NXNL2: variants seen among roughly 807,000 people sequenced by gnomAD.
The protein encoded by NXNL2 is nucleoredoxin like 2.
Under a neutral mutation model 11.1 loss-of-function variants are expected in NXNL2, and 7 were observed. The observed-to-expected ratio is 0.63, with a 90% confidence interval of 0.36 to 1.18. The LOEUF is 1.18. NXNL2 is among the 50% of genes most tolerant of loss of function. The pLI, the probability that NXNL2 is intolerant of heterozygous loss-of-function variation, is 0.02. For missense variants in NXNL2, 233 were observed against 217.7 expected (o/e 1.07, Z -0.44); for synonymous variants, 109 against 101.8 (o/e 1.07, Z -0.42).
downstream of NXNL2, among the ~76,000 whole-genome samples, chr9:88,576,414 G>A (rs1293938780): frequency 2.6e-5 from 4 of 152,110 alleles, no homozygotes; most frequent in African/African-American, 7.2e-5. Flanking sequence ...GCTCCCACGT[G>A]GGCCAGGTTT....
chr9:88,571,325 C>G (rs1284877643), intron 2 of NXNL2: 2 of 225,090 alleles, frequency 8.9e-6, no homozygotes, highest in Non-Finnish European at 1.8e-5. Context: ...TTGCCTCGAC[C>G]TTCCAAGGTG....
chr9:88,567,721 T>A (rs1249479378), intron 1 of NXNL2, among the ~76,000 whole-genome samples: 1 of 152,196 alleles, frequency 6.6e-6, no homozygotes, highest in Admixed American at 6.5e-5. Flanking sequence ...AATAAGACAC[T>A]AATATGTAAG....
intron 1 of NXNL2, among the ~76,000 whole-genome samples, chr9:88,582,114 T>A (rs142776085): frequency 2.6e-5 from 4 of 152,238 alleles, no homozygotes; most frequent in African/African-American, 9.6e-5. Context: ...GAGGTTTTGC[T>A]ACTCTCTAGT....
chr9:88,560,651 C>T (rs1263530564), intron 1 of NXNL2, among the ~76,000 whole-genome samples: 1 of 152,140 alleles, frequency 6.6e-6, no homozygotes, highest in African/African-American at 2.4e-5. Flanking sequence ...CATTGTAAAT[C>T]CCTGCTATTG....
At chr9:88,576,599 G>C (rs996107111), downstream of NXNL2, among the ~76,000 whole-genome samples, 1 of 152,196 alleles carries the variant, frequency 6.6e-6, no homozygotes, top group Non-Finnish European at 1.5e-5. Context: ...GGGGAAGAGG[G>C]AGAATGGCCA....
At chr9:88,544,982 T>C (rs1829828321), downstream of NXNL2, 1 of 733,542 alleles carries the variant, frequency 1.4e-6, no homozygotes, top group Non-Finnish European at 1.7e-6. Context: ...AATAAACAAG[T>C]CTATTGCCTT....
chr9:88,558,618 C>G (rs1400012448), intron 1 of NXNL2, among the ~76,000 whole-genome samples: 1 of 152,008 alleles, frequency 6.6e-6, no homozygotes, highest in Non-Finnish European at 1.5e-5. Flanking sequence ...TAGAAGAGGC[C>G]GTCTTGTGGG....
chr9:88,578,335 G>A (rs1830370408), downstream of NXNL2, among the ~76,000 whole-genome samples: 1 of 152,196 alleles, frequency 6.6e-6, no homozygotes, highest in Non-Finnish European at 1.5e-5. Context: ...AGTCCCTGCC[G>A]GTCCTGGAGT....
chr9:88,544,418 G>T lies in NXNL2; in HGVS notation c.342G>T (p.Lys114Asn), dbSNP rs1215772898. The T allele has an allele frequency of 6.4e-7, 1 of 1,551,916 alleles. No homozygotes were observed. Among genetic ancestry groups the T allele is most frequent in the Non-Finnish European group, 8.7e-7 (1 of 1,147,038 alleles). Reference protein sequence around the residue: ...RKRYNVTAIPKLVIVKQNGEV... With the variant: ...RKRYNVTAIPNLVIVKQNGEV... Reference sequence around the variant, plus strand: ...GGTACAACGTCACAGCCATCCCCAAGCTTGTGATTGTGAAACAAAATGGGG... The same window carrying T: ...GGTACAACGTCACAGCCATCCCCAATCTTGTGATTGTGAAACAAAATGGGG... Residue 114 changes from lysine to asparagine, a missense_variant, in exon 2 of 2, where the codon AAG (lysine) becomes AAT (asparagine). Coordinates refer to ENST00000375854, the MANE Select transcript of NXNL2 (RefSeq NM_001161625.2).
At chr9:88,583,806 A>G (rs1316920375) in intron 1 of NXNL2, among the ~76,000 whole-genome samples, 1 of 152,214 alleles carries the variant, frequency 6.6e-6, no homozygotes, top group Admixed American at 6.5e-5. Flanking sequence ...TAAGGAGAGG[A>G]AGAGAAAGAG....
At chr9:88,573,686 G>C (rs903678811) in intron 2 of NXNL2, among the ~76,000 whole-genome samples, 3 of 152,188 alleles carry the variant, frequency 2.0e-5, no homozygotes, top group African/African-American at 7.2e-5. Context: ...ACGGTTTTTA[G>C]TGGGTATGAA....
At chr9:88,551,505 T>C (rs577395716) in intron 1 of NXNL2, among the ~76,000 whole-genome samples, 4 of 152,284 alleles carry the variant, frequency 2.6e-5, no homozygotes, top group African/African-American at 9.6e-5. Context: ...TCTCCCTCCT[T>C]TCCCTTCCTA....
chr9:88,540,010 A>G (rs1462111859), intron 1 of NXNL2, among the ~76,000 whole-genome samples: 1 of 151,878 alleles, frequency 6.6e-6, no homozygotes, highest in African/African-American at 2.4e-5. Flanking sequence ...GCCTTTGGGG[A>G]AAGCTAATTG....
chr9:88,544,701 C>T lies in NXNL2; in HGVS notation c.*154C>T, dbSNP rs1419690364. The T allele has an allele frequency of 7.1e-7, 1 of 1,411,080 alleles. No individual in the cohort carries two copies. Among genetic ancestry groups the T allele is most frequent in the East Asian group, 2.7e-5 (1 of 37,262 alleles). 87.4% of individuals were successfully genotyped at this position (1,411,080 alleles called of 1,614,324 possible). A position where few individuals can be genotyped will look rare whatever the true frequency, so the allele number is the denominator to read the frequency against. ...AGCTGTGGTCAAAAAGCAACTATTG[C>T]TCAGGAAATAATACACTCCATATTT... is the stretch of plus-strand genomic sequence containing the variant. On this transcript the variant is annotated 3_prime_UTR_variant, in exon 2 of 2. Transcript: ENST00000375854.
chr9:88,572,205 G>A (rs1001459796), intron 2 of NXNL2, among the ~76,000 whole-genome samples: 1 of 152,142 alleles, frequency 6.6e-6, no homozygotes, highest in African/African-American at 2.4e-5. Context: ...TCTGGGGCGT[G>A]CACTCATTCA....
chr9:88,566,404 G>A (rs1052005406), intron 1 of NXNL2, among the ~76,000 whole-genome samples: 2 of 151,950 alleles, frequency 1.3e-5, no homozygotes, highest in Non-Finnish European at 2.9e-5. Context: ...CCGCGTTCAA[G>A]CAATTCTCCT....
At chr9:88,556,567 A>G (rs1830013887) in intron 1 of NXNL2, among the ~76,000 whole-genome samples, 1 of 152,082 alleles carries the variant, frequency 6.6e-6, no homozygotes, top group Admixed American at 6.5e-5. Context: ...AAAAAGCACC[A>G]TTTGACTGGC....
chr9:88,545,418 C>T (rs1829833688), downstream of NXNL2, among the ~76,000 whole-genome samples: 1 of 152,200 alleles, frequency 6.6e-6, no homozygotes, highest in Admixed American at 6.5e-5. Context: ...GCCAAGTCCT[C>T]ACCTGCAGAT....
chr9:88,540,376 T>C (rs1829728495), intron 1 of NXNL2, among the ~76,000 whole-genome samples: 1 of 151,416 alleles, frequency 6.6e-6, no homozygotes, highest in Admixed American at 6.6e-5. Flanking sequence ...CTTAAGATGC[T>C]AGAGAGGGAC....
Sources: gnomAD v4.1 joint callset for allele counts (sites outside exome capture counted in the v4.1 genomes callset) on GRCh38, gnomAD v4.1.1 for gene constraint, MANE v1.5 for transcripts, NCBI Gene and HGNC (gene_info 2026-07-23, HGNC 2026-07-21) for gene names.